AFF2: variants seen among roughly 807,000 people sequenced by gnomAD.
The protein encoded by AFF2 is ALF transcription elongation factor 2, also known as AF4/FMR2 family member 2.
Under a neutral mutation model 76.9 loss-of-function variants are expected in AFF2, and 14 were observed. The observed-to-expected ratio is 0.18, with a 90% CI of 0.12 to 0.28. The LOEUF is 0.28. AFF2 is among the 10% of genes least tolerant of loss of function. AFF2 has a pLI of 1.00. For synonymous variants in AFF2, 398 were observed against 366.7 expected (o/e 1.09, Z -0.98); for missense variants, 868 against 1,001.1 (o/e 0.87, Z 1.79).
chrX:148,753,685 G>C (rs1386000276), intron 3 of AFF2, among the ~76,000 whole-genome samples: 11 of 111,878 alleles, frequency 9.8e-5, no homozygotes, highest in African/African-American at 3.2e-4. Context: ...ACTTTACCGA[G>C]TGGCAGAAGG....
At chrX:148,770,326 C>T (rs1415066149) in intron 3 of AFF2, among the ~76,000 whole-genome samples, 2 of 111,534 alleles carry the variant, frequency 1.8e-5, no homozygotes, top group African/African-American at 3.3e-5. Flanking sequence ...TCATTCTATA[C>T]GTGGACATCC....
chrX:148,572,047 C>CAAA (rs61569628), intron 1 of AFF2, among the ~76,000 whole-genome samples: 11 of 96,470 alleles, frequency 1.1e-4, no homozygotes, highest in African/African-American at 3.7e-4. Flanking sequence ...CCAGAAAAGA[C>CAAA]AAAAAAAAAA....
intron 1 of AFF2, among the ~76,000 whole-genome samples, chrX:148,506,211 C>G (rs1328791297): frequency 9.0e-6 from 1 of 111,665 alleles, no homozygotes; most frequent in Non-Finnish European, 1.9e-5. Context: ...GGAGCTGACT[C>G]CAGAGCCTGC....
At chrX:148,590,049 C>G (rs2053507827) in intron 1 of AFF2, among the ~76,000 whole-genome samples, 1 of 102,048 alleles carries the variant, frequency 9.8e-6, no homozygotes, top group African/African-American at 3.6e-5. Flanking sequence ...TGTTAGAGCT[C>G]TGTTCCAGAA....
intron 3 of AFF2, among the ~76,000 whole-genome samples, chrX:148,717,765 G>C (rs2055043174): frequency 9.0e-6 from 1 of 111,119 alleles, no homozygotes; most frequent in Non-Finnish European, 1.9e-5. Flanking sequence ...CAATGTGCCT[G>C]GATGTGAGTA....
intron 3 of AFF2, among the ~76,000 whole-genome samples, chrX:148,708,331 C>G (rs183314455): frequency 2.7e-5 from 3 of 111,746 alleles, no homozygotes; most frequent in African/African-American, 9.7e-5. Flanking sequence ...TCCTGTCACT[C>G]CATTAGAGAC....
intron 1 of AFF2, among the ~76,000 whole-genome samples, chrX:148,590,019 G>A (rs1164234543): frequency 4.9e-5 from 5 of 101,160 alleles, no homozygotes; most frequent in African/African-American, 1.1e-4. Flanking sequence ...AACTGAGAGC[G>A]GTCACAGAGC....
intron 13 of AFF2, among the ~76,000 whole-genome samples, chrX:148,964,151 G>A (rs2072144047): frequency 8.9e-6 from 1 of 112,351 alleles, no homozygotes; most frequent in Non-Finnish European, 1.9e-5. Flanking sequence ...GAGGGCACTG[G>A]GCTGTGGGGT....
intron 3 of AFF2, among the ~76,000 whole-genome samples, chrX:148,663,577 A>C (rs1233838154): frequency 8.9e-6 from 1 of 112,489 alleles, no homozygotes; most frequent in African/African-American, 3.2e-5. Flanking sequence ...GGGGTCATGC[A>C]TGGTGCTGCC....
intron 7 of AFF2, among the ~76,000 whole-genome samples, chrX:148,846,080 CT>C (rs1569556140): frequency 1.8e-5 from 2 of 112,192 alleles, no homozygotes; most frequent in Non-Finnish European, 3.8e-5. Flanking sequence ...CAGTCTCCCT[CT>C]TTCTTTTTGA....
chrX:148,559,203 G>A (rs1160582348), intron 1 of AFF2, among the ~76,000 whole-genome samples: 1 of 111,485 alleles, frequency 9.0e-6, no homozygotes, highest in Admixed American at 9.5e-5. Context: ...TAATCAAGAT[G>A]AATAATATTT....
chrX:148,889,603 A>C (rs782413330), intron 8 of AFF2, among the ~76,000 whole-genome samples: 1 of 112,235 alleles, frequency 8.9e-6, no homozygotes, highest in African/African-American at 3.2e-5. Context: ...AATACCTGTT[A>C]AAACTTTGTG....
chrX:148,704,822 C>T (rs1247557711), intron 3 of AFF2, among the ~76,000 whole-genome samples: 1 of 109,380 alleles, frequency 9.1e-6, no homozygotes, highest in African/African-American at 3.3e-5. Flanking sequence ...CCACCACACC[C>T]GGCCTATTAT....
At chrX:148,859,700 A>T (rs1297719288) in intron 7 of AFF2, among the ~76,000 whole-genome samples, 2 of 111,905 alleles carry the variant, frequency 1.8e-5, no homozygotes, top group Admixed American at 9.5e-5. Context: ...ATTAAAATGT[A>T]TAATTAAAAA....
Position 148,893,785 on chromosome X carries a change from G to A in AFF2, c.1359+7800G>A, listed in dbSNP as rs192599004. On this transcript the variant is annotated intron_variant, in intron 8 of 20. Coordinates refer to ENST00000370460, the MANE Select transcript of AFF2 (RefSeq NM_002025.4). ...CACAGCACATATATGGTTCTGTAAA[G>A]AGTGTGGCAGTGAGAGAGCAGCCAC... Among the ~76,000 whole-genome samples, 119 of 112,056 alleles carry A rather than the reference G, an allele frequency of 1.1e-3. 1 individual carries two copies. The highest frequency in any genetic ancestry group is 4.3e-3 in the East Asian group (15 of 3,527).
intron 4 of AFF2, among the ~76,000 whole-genome samples, chrX:148,820,893 A>G (rs1478140832): frequency 8.9e-6 from 1 of 111,871 alleles, no homozygotes; most frequent in Non-Finnish European, 1.9e-5. Context: ...TCCAAACTGG[A>G]ACGTCTAAAG....
In AFF2 at chrX:148,856,257, TTC is replaced by T. The variant is rs1486115866; in HGVS notation, c.1262+12826_1262+12827del. Among the ~76,000 whole-genome samples, 5 of 112,350 alleles carry T rather than the reference TTC, an allele frequency of 4.5e-5. No individual in the cohort carries two copies. The South Asian group carries it at 1.5e-3, about 33-fold the overall frequency. The stretch of plus-strand genomic sequence containing the variant: ...AATTGTACTCTTAGTTTGTAGTTAT[TTC>T]TAAAAATAAAAGCTAGGACTTATTA... On this transcript the variant is annotated intron_variant, in intron 7 of 20. Transcript: ENST00000370460.
intron 3 of AFF2, among the ~76,000 whole-genome samples, chrX:148,727,081 A>G (rs782543829): frequency 7.1e-5 from 8 of 112,254 alleles, no homozygotes; most frequent in Non-Finnish European, 1.3e-4. Context: ...ATAATGACCT[A>G]TAATCATTGG....
intron 1 of AFF2, among the ~76,000 whole-genome samples, chrX:148,577,826 T>A (rs1307599654): frequency 2.7e-5 from 3 of 111,689 alleles, no homozygotes; most frequent in African/African-American, 9.8e-5. Flanking sequence ...CCCAAATGCC[T>A]TTACAACAAG....
Sources: allele counts gnomAD v4.1 joint callset (sites outside exome capture counted in the v4.1 genomes callset), GRCh38; gene constraint gnomAD v4.1.1; transcripts MANE v1.5; gene names NCBI Gene and HGNC (gene_info 2026-07-23, HGNC 2026-07-21).